Variants in PDLIM5 observed in about 807,000 individuals in gnomAD.
The protein encoded by PDLIM5 is PDZ and LIM domain 5, also known as PDZ and LIM domain protein 5.
A neutral mutation model predicts 64.2 loss-of-function variants in PDLIM5; 34 were observed. That is an observed-to-expected ratio of 0.53 (90% CI 0.40 to 0.71). The LOEUF is 0.71. PDLIM5 is among the 30% of genes least tolerant of loss of function. The pLI, the probability that PDLIM5 is intolerant of heterozygous loss-of-function variation, is 0.00. For synonymous variants in PDLIM5, 253 were observed against 269.1 expected (o/e 0.94, Z 0.59); for missense variants, 683 against 733.6 (o/e 0.93, Z 0.80).
chr4:94,486,260 CT>C (rs1726327864), intron 2 of PDLIM5, among the ~76,000 whole-genome samples: 1 of 151,990 alleles, frequency 6.6e-6, no homozygotes, highest in African/African-American at 2.4e-5. Context: ...AATCCTTTAG[CT>C]TTTGGTAAGT....
chr4:94,624,145 C>A (rs1366125913), intron 8 of PDLIM5, among the ~76,000 whole-genome samples: 1 of 150,666 alleles, frequency 6.6e-6, no homozygotes, highest in Non-Finnish European at 1.5e-5. Flanking sequence ...CCCCCATCTC[C>A]ACAAATTAAA....
At chr4:94,512,938 A>T (rs1457958726) in intron 2 of PDLIM5, among the ~76,000 whole-genome samples, 1 of 152,120 alleles carries the variant, frequency 6.6e-6, no homozygotes, top group Non-Finnish European at 1.5e-5. Flanking sequence ...GTCTAATTTC[A>T]TTCTTCTGCA....
intron 2 of PDLIM5, among the ~76,000 whole-genome samples, chr4:94,514,281 C>G (rs1017731714): frequency 6.6e-6 from 1 of 151,848 alleles, no homozygotes; most frequent in African/African-American, 2.4e-5. Context: ...ACTACAGGTG[C>G]CCACCATCAC....
intron 7 of PDLIM5, among the ~76,000 whole-genome samples, chr4:94,611,889 T>C (rs1738392406): frequency 6.6e-6 from 1 of 152,134 alleles, no homozygotes; most frequent in Non-Finnish European, 1.5e-5. Flanking sequence ...TGATTAGATG[T>C]TTGTATTCTA....
chr4:94,552,519 A>G (rs1732898897), intron 3 of PDLIM5, among the ~76,000 whole-genome samples: 1 of 152,190 alleles, frequency 6.6e-6, no homozygotes, highest in South Asian at 2.1e-4. Flanking sequence ...TTGTCTTTAT[A>G]TTTAAAAGCC....
At position 94,555,711 on chromosome 4, in the gene PDLIM5, G is replaced by A. The variant is rs536850104; in HGVS notation, c.249-17640G>A. On this transcript the variant is annotated intron_variant, in intron 3 of 12. Transcript: ENST00000317968. The stretch of plus-strand genomic sequence containing the variant: ...TTCATATGGTAAATACATGGATATC[G>A]TGTGCCAATTCTATGTTATTTTACT... Among the ~76,000 whole-genome samples, 53 of 151,812 alleles carry A rather than the reference G, an allele frequency of 3.5e-4. 1 individual carries two copies. In the South Asian group the frequency reaches 0.01, roughly 29 times the overall value.
chr4:94,455,802 C>T (rs1267598196), intron 2 of PDLIM5: 33 of 1,508,800 alleles, frequency 2.2e-5, no homozygotes, highest in East Asian at 7.4e-5. Flanking sequence ...ATGATTGTTT[C>T]GGAATTATTT....
intron 2 of PDLIM5, among the ~76,000 whole-genome samples, chr4:94,510,156 T>C (rs1251609906): frequency 6.6e-6 from 1 of 152,188 alleles, no homozygotes; most frequent in Non-Finnish European, 1.5e-5. Flanking sequence ...TTTAGATGAA[T>C]TCTTTCTAAA....
intron 8 of PDLIM5, among the ~76,000 whole-genome samples, chr4:94,632,876 C>T (rs1740269265): frequency 6.6e-6 from 1 of 152,064 alleles, no homozygotes; most frequent in Non-Finnish European, 1.5e-5. Flanking sequence ...GAAAAATAGC[C>T]CTACCAACAC....
intron 2 of PDLIM5, among the ~76,000 whole-genome samples, chr4:94,476,335 A>T (rs1488364827): frequency 1.3e-5 from 2 of 152,180 alleles, no homozygotes; most frequent in African/African-American, 4.8e-5. Flanking sequence ...TTTAATTAAG[A>T]GTTAGTCCTT....
At chr4:94,476,923 T>G (rs1348366671) in intron 2 of PDLIM5, among the ~76,000 whole-genome samples, 1 of 152,232 alleles carries the variant, frequency 6.6e-6, no homozygotes, top group African/African-American at 2.4e-5. Flanking sequence ...TGAGTTCCTA[T>G]TTTTGAAGCA....
intron 7 of PDLIM5, among the ~76,000 whole-genome samples, chr4:94,612,454 A>G (rs1738446831): frequency 6.6e-6 from 1 of 152,150 alleles, no homozygotes; most frequent in Admixed American, 6.5e-5. Flanking sequence ...TGCTTAGAGT[A>G]CACTTTGAGT....
intron 6 of PDLIM5, 131 bp downstream of exon 6, chr4:94,585,868 G>A (rs1039714823): frequency 6.1e-6 from 4 of 652,460 alleles, no homozygotes; most frequent in Non-Finnish European, 1.0e-5. Flanking sequence ...TGCATAACAT[G>A]GGTAATATAA....
At chr4:94,577,035 TAAAGA>T (rs1196952531) in intron 5 of PDLIM5, among the ~76,000 whole-genome samples, 3 of 152,158 alleles carry the variant, frequency 2.0e-5, no homozygotes, top group African/African-American at 7.2e-5. Context: ...AAGAAAAAAG[TAAAGA>T]AAAGAGAGAG....
Position 94,665,506 on chromosome 4 carries a change from A to G in PDLIM5, c.*1439A>G, listed in dbSNP as rs1430723757. ...TAAAAAAAAAAAAAAAAAAAAAAAA[A>G]GAGAGAGAGAGAATAAATAGAAAAG... On this transcript the variant is annotated 3_prime_UTR_variant, in exon 13 of 13. Coordinates refer to ENST00000317968, the MANE Select transcript of PDLIM5 (RefSeq NM_006457.5). 13 of 652,394 alleles carry G rather than the reference A, an allele frequency of 2.0e-5. No homozygotes were observed. Among genetic ancestry groups the G allele is most frequent in the Non-Finnish European group, 2.4e-5 (13 of 545,066 alleles). 40.4% of individuals were successfully genotyped at this position (652,394 alleles called of 1,614,324 possible). A position where few individuals can be genotyped will look rare whatever the true frequency, so the allele number is the denominator to read the frequency against.
At chr4:94,603,122 T>C (rs1227853810) in intron 7 of PDLIM5, among the ~76,000 whole-genome samples, 1 of 152,174 alleles carries the variant, frequency 6.6e-6, no homozygotes, top group African/African-American at 2.4e-5. Context: ...TGTGGAAAGA[T>C]AATTGAGAGG....
At chr4:94,612,383 T>G (rs1738441592) in intron 7 of PDLIM5, among the ~76,000 whole-genome samples, 1 of 152,162 alleles carries the variant, frequency 6.6e-6, no homozygotes, top group Non-Finnish European at 1.5e-5. Context: ...TTGTGAGTGT[T>G]CATTGAGCAG....
chr4:94,578,575 A>G (rs371268005), intron 5 of PDLIM5, among the ~76,000 whole-genome samples: 31 of 152,296 alleles, frequency 2.0e-4, no homozygotes, highest in African/African-American at 7.0e-4. Context: ...GCGCCCTTTC[A>G]TTCACGATAT....
At chr4:94,475,187 T>G (rs1159246706) in intron 2 of PDLIM5, among the ~76,000 whole-genome samples, 2 of 151,372 alleles carry the variant, frequency 1.3e-5, no homozygotes, top group African/African-American at 4.9e-5. Flanking sequence ...ATGCAAGAAA[T>G]TTTCTCCTCA....
Sources: gnomAD v4.1 joint callset for allele counts (sites outside exome capture counted in the v4.1 genomes callset) on GRCh38, gnomAD v4.1.1 for gene constraint, MANE v1.5 for transcripts, NCBI Gene and HGNC (gene_info 2026-07-23, HGNC 2026-07-21) for gene names.